Variants in NSMCE2 observed in about 807,000 individuals in gnomAD.
NSMCE2 encodes E3 SUMO-protein ligase NSE2.
A neutral mutation model predicts 23.8 loss-of-function variants in NSMCE2; 24 were observed. The ratio of observed to expected loss-of-function variants is 1.01; its 90% confidence interval spans 0.73 to 1.42. The LOEUF is 1.42. Ranked by LOEUF, NSMCE2 falls within the 40% of genes most tolerant of loss-of-function variation. The pLI, the probability that NSMCE2 is intolerant of heterozygous loss-of-function variation, is 0.00. For missense variants in NSMCE2, 284 were observed against 296.5 expected, an observed-to-expected ratio of 0.96 and a Z score of 0.31; for synonymous variants, 92 against 94.1, an observed-to-expected ratio of 0.98 and a Z score of 0.13.
intron 5 of NSMCE2, among the ~76,000 whole-genome samples, chr8:125,234,814 A>G (rs1180186764): frequency 6.6e-6 from 1 of 152,064 alleles, no homozygotes; most frequent in Admixed American, 6.6e-5. Flanking sequence ...CTCTTCAGAT[A>G]CCATTTTTAT....
Position 125,151,216 on chromosome 8 carries a change from T to A in NSMCE2, c.203T>A (p.Phe68Tyr), listed in dbSNP as rs771005916. The change falls in exon 4 of 8, where the codon TTT (phenylalanine) becomes TAT (tyrosine). Residue 68 changes from phenylalanine (F) to tyrosine (Y), a missense_variant. By Grantham distance (22) the Phe-to-Tyr change is conservative. This residue lies in a region of NSMCE2 where 182 missense variants were observed against 155.5 expected (regional missense o/e 1.17). Transcript: ENST00000287437. ...EYSMDKAMVE[F>Y]ATLDRQLNHY... ...AGTATGGACAAGGCAATGGTTGAAT[T>A]TGCTACATTGGATCGGCAACTAAAC... The A allele has an allele frequency of 3.1e-6, 5 of 1,610,964 alleles. No homozygotes were observed. The highest frequency in any genetic ancestry group is 4.2e-6 in the Non-Finnish European group (5 of 1,177,486).
chr8:125,118,519 A>C (rs1321812000), intron 3 of NSMCE2, among the ~76,000 whole-genome samples: 1 of 152,220 alleles, frequency 6.6e-6, no homozygotes, highest in Admixed American at 6.5e-5. Flanking sequence ...ACCCTTCTCT[A>C]GTCAGTATTT....
chr8:125,281,098 A>G (rs959325389), intron 5 of NSMCE2, among the ~76,000 whole-genome samples: 1 of 152,202 alleles, frequency 6.6e-6, no homozygotes, highest in Non-Finnish European at 1.5e-5. Context: ...GCCGATTAAG[A>G]TAGCTTTAAA....
intron 4 of NSMCE2, among the ~76,000 whole-genome samples, chr8:125,175,089 C>T (rs1325885754): frequency 6.6e-6 from 1 of 152,174 alleles, no homozygotes; most frequent in Admixed American, 6.5e-5. Context: ...TGATGATTCT[C>T]AGCTTGGGCA....
chr8:125,150,219 C>T (rs1288297657), intron 3 of NSMCE2, among the ~76,000 whole-genome samples: 1 of 152,212 alleles, frequency 6.6e-6, no homozygotes, highest in East Asian at 1.9e-4. Context: ...TTTGGTTCAT[C>T]TTTATACAAA....
intron 5 of NSMCE2, among the ~76,000 whole-genome samples, chr8:125,231,791 T>C (rs1825333813): frequency 6.6e-6 from 1 of 152,190 alleles, no homozygotes; most frequent in African/African-American, 2.4e-5. Flanking sequence ...ATGGATGACA[T>C]CATCAGGTAG....
At chr8:125,333,690 G>T (rs993538762) in intron 5 of NSMCE2, among the ~76,000 whole-genome samples, 3 of 150,756 alleles carry the variant, frequency 2.0e-5, no homozygotes, top group African/African-American at 7.3e-5. Context: ...ATTTTTTGTA[G>T]TTTTAGTAGA....
In NSMCE2 at chr8:125,261,787, A is replaced by C. The variant is rs114904289; in HGVS notation, c.418+79531A>C. ...AAACAAAACAGCTTAGAAGCTTTTG[A>C]AAAACATTTTTAAAAATCAATTGTA... On this transcript the variant is annotated intron_variant, in intron 5 of 7. Coordinates refer to ENST00000287437, the MANE Select transcript of NSMCE2 (RefSeq NM_173685.4). Among the ~76,000 whole-genome samples the C allele has an allele frequency of 4.3e-3, 659 of 151,950 alleles. 6 individuals are homozygous for C. Among genetic ancestry groups the C allele is most frequent in the African/African-American group, 0.014 (578 of 41,528 alleles).
intron 5 of NSMCE2, among the ~76,000 whole-genome samples, chr8:125,315,950 A>G (rs528404219): frequency 3.3e-4 from 50 of 152,278 alleles, no homozygotes; most frequent in Non-Finnish European, 5.3e-4. Context: ...CCATAGGCAC[A>G]CACCACCACA....
chr8:125,298,790 G>A (rs1295329812), intron 5 of NSMCE2, among the ~76,000 whole-genome samples: 1 of 146,124 alleles, frequency 6.8e-6, no homozygotes, highest in African/African-American at 2.5e-5. Context: ...TGAGACTCAT[G>A]TCAACATTGG....
chr8:125,126,305 A>G (rs1819514930), intron 3 of NSMCE2, among the ~76,000 whole-genome samples: 1 of 149,966 alleles, frequency 6.7e-6, no homozygotes, highest in South Asian at 2.2e-4. Context: ...CCAGAGGCAG[A>G]GGTTGCAGTG....
intron 5 of NSMCE2, among the ~76,000 whole-genome samples, chr8:125,319,357 A>G (rs1030745064): frequency 4.6e-5 from 7 of 152,224 alleles, no homozygotes; most frequent in African/African-American, 1.7e-4. Flanking sequence ...AGGAAAATAC[A>G]ACCCCTAATA....
chr8:125,172,121 C>T (rs1257280555), intron 4 of NSMCE2, among the ~76,000 whole-genome samples: 1 of 152,180 alleles, frequency 6.6e-6, no homozygotes, highest in African/African-American at 2.4e-5. Flanking sequence ...CAAGATTACA[C>T]AGCTAATACA....
intron 4 of NSMCE2, among the ~76,000 whole-genome samples, chr8:125,163,976 T>A (rs1044441961): frequency 3.9e-5 from 6 of 152,236 alleles, no homozygotes; most frequent in African/African-American, 1.4e-4. Flanking sequence ...GGAGTTTGTT[T>A]CAAGTATGTT....
chr8:125,333,803 G>A (rs553223970), intron 5 of NSMCE2, among the ~76,000 whole-genome samples: 11 of 152,100 alleles, frequency 7.2e-5, no homozygotes, highest in South Asian at 2.1e-4. Context: ...GTGAGCCACC[G>A]CGCCCGGCCT....
At chr8:125,331,331 TA>T (rs1376812690) in intron 5 of NSMCE2, among the ~76,000 whole-genome samples, 1 of 152,190 alleles carries the variant, frequency 6.6e-6, no homozygotes, top group East Asian at 1.9e-4. Context: ...GTAATAATTT[TA>T]AAAAAAGGTT....
intron 5 of NSMCE2, among the ~76,000 whole-genome samples, chr8:125,315,213 GAA>G (rs1829134464): frequency 6.6e-6 from 1 of 151,990 alleles, no homozygotes; most frequent in African/African-American, 2.4e-5. Context: ...GATAGGTAAG[GAA>G]TGTCAGGCCC....
At chr8:125,187,804 T>G (rs1823172063) in intron 5 of NSMCE2, among the ~76,000 whole-genome samples, 1 of 152,200 alleles carries the variant, frequency 6.6e-6, no homozygotes, top group African/African-American at 2.4e-5. Context: ...ATCTGAAATT[T>G]TAAGTGTTAA....
intron 5 of NSMCE2, among the ~76,000 whole-genome samples, chr8:125,300,755 C>T (rs1828528497): frequency 6.6e-6 from 1 of 151,974 alleles, no homozygotes; most frequent in Non-Finnish European, 1.5e-5. Flanking sequence ...AGGAAGGTGG[C>T]CTGATGTAGC....
Sources: gnomAD v4.1 joint callset for allele counts (sites outside exome capture counted in the v4.1 genomes callset) on GRCh38, gnomAD v4.1.1 for gene constraint, gnomAD v4.1.1 regional missense constraint, MANE v1.5 for transcripts, NCBI Gene and HGNC (gene_info 2026-07-23, HGNC 2026-07-21) for gene names.